Variants in ENAH observed in about 807,000 individuals in gnomAD.
ENAH encodes the protein ENAH actin regulator.
ENAH carries 23 observed loss-of-function variants against 78.7 expected under a neutral mutation model. The observed-to-expected ratio is 0.29, with a 90% CI of 0.21 to 0.41. The LOEUF is 0.41. ENAH is among the 10% of genes least tolerant of loss of function. The pLI, the probability that ENAH is intolerant of heterozygous loss-of-function variation, is 1.00. For missense variants in ENAH, 544 were observed against 691.0 expected (o/e 0.79, Z 2.39); for synonymous variants, 226 against 241.0 (o/e 0.94, Z 0.58).
intron 2 of ENAH, among the ~76,000 whole-genome samples, chr1:225,561,267 C>A (rs1262750413): frequency 6.6e-6 from 1 of 151,336 alleles, no homozygotes; most frequent in Non-Finnish European, 1.5e-5. Context: ...TGAATTAATT[C>A]TTTCACTCAT....
chr1:225,494,726 A>G lies in ENAH; in HGVS notation c.*3049T>C, dbSNP rs2096241233. The G allele has an allele frequency of 6.6e-6, 1 of 152,248 alleles. No individual in the cohort carries two copies. Among genetic ancestry groups the G allele is most frequent in the South Asian group, 2.1e-4 (1 of 4,832 alleles). 9.4% of individuals were successfully genotyped at this position (152,248 alleles called of 1,614,324 possible). A position where few individuals can be genotyped will look rare whatever the true frequency, so the allele number is the denominator to read the frequency against. On this transcript the variant is annotated 3_prime_UTR_variant, in exon 14 of 14. Transcript: ENST00000366843. ...AAACTTTTAAGTAGTAAAGTCTTGG[A>G]CTTTAAAAGGTGTTTTTCACATCCA...
intron 1 of ENAH, among the ~76,000 whole-genome samples, chr1:225,615,543 A>G (rs1431957020): frequency 7.7e-6 from 1 of 130,504 alleles, no homozygotes; most frequent in East Asian, 2.4e-4. Flanking sequence ...CCGGCCGCCC[A>G]GTCTGGGAAG....
In ENAH at chr1:225,523,685, G is replaced by A. The variant is rs146909888; in HGVS notation, c.435-4120C>T. 1.4e-4 allele frequency among the ~76,000 whole-genome samples: 21 copies of A among 152,220 alleles called. No homozygotes were observed. The East Asian group carries it at 3.7e-3, about 27-fold the overall frequency. On this transcript the variant is annotated intron_variant, in intron 4 of 13. Transcript: ENST00000366843. ...TTCAAGCAGAAAATCTCTGGCTTCCGAATCTTGTGTGGCATGAATAATTCC... is the reference window on the plus strand; with the variant it reads ...TTCAAGCAGAAAATCTCTGGCTTCCAAATCTTGTGTGGCATGAATAATTCC...
intron 1 of ENAH, among the ~76,000 whole-genome samples, chr1:225,580,526 C>T (rs499782): frequency 0.83 from 126,971 of 152,092 alleles, 53,101 homozygotes; most frequent in Middle Eastern, 0.91. Context: ...GTAATAAATA[C>T]GTGACGTTTT....
At chr1:225,599,172 A>G (rs776210875) in intron 1 of ENAH, among the ~76,000 whole-genome samples, 4 of 152,188 alleles carry the variant, frequency 2.6e-5, no homozygotes, top group Non-Finnish European at 5.9e-5. Context: ...CATATCAAAG[A>G]GAACAGATCT....
chr1:225,519,509 T>C lies in ENAH; in HGVS notation c.491A>G (p.Glu164Gly), dbSNP rs1352857627. ...KELERERLER[E>G]RMERERLERE... ...CTCCAACCTTTCTCTTTCCATTCTT[T>C]CTCGCTCCAGCCTTTCCCGCTCCAG... The change falls in exon 5 of 14, where the codon GAA (glutamate) becomes GGA (glycine). Residue 164 changes from glutamate to glycine, a missense_variant. By Grantham distance (98) the Glu-to-Gly change is moderately conservative (BLOSUM62 -2). Around this residue, in one of 4 missense-constraint regions of ENAH, gnomAD observed 366 missense variants for 396.1 expected, o/e 0.92. Coordinates refer to ENST00000366843, the MANE Select transcript of ENAH (RefSeq NM_018212.6). The C allele has an allele frequency of 6.2e-7, 1 of 1,612,538 alleles. No individual in the cohort carries two copies. Among genetic ancestry groups the C allele is most frequent in the African/African-American group, 1.3e-5 (1 of 74,958 alleles).
intron 2 of ENAH, among the ~76,000 whole-genome samples, chr1:225,557,207 A>T (rs763313370): frequency 6.6e-6 from 1 of 152,192 alleles, no homozygotes; most frequent in South Asian, 2.1e-4. Flanking sequence ...TAACATATCA[A>T]TCTGAGGAGG....
rs141150172 is a variant in ENAH, at chr1:225,501,023, G to A, written c.1586C>T (p.Thr529Met). The A allele has an allele frequency of 8.6e-4, 1,382 of 1,614,092 alleles. 4 individuals are homozygous for A. The highest frequency in any genetic ancestry group is 1.1e-3 in the Non-Finnish European group (1,259 of 1,179,994). Reference protein sequence around the residue: ...LSQPSANGVQTEGLDYDRLKQ... With the variant: ...LSQPSANGVQMEGLDYDRLKQ... Reference sequence around the variant, plus strand: ...CAGCCTGTCATAGTCAAGTCCTTCCGTCTGGACTCCATTGGCACTGGGCTG... The same window carrying A: ...CAGCCTGTCATAGTCAAGTCCTTCCATCTGGACTCCATTGGCACTGGGCTG... Residue 529 changes from threonine to methionine, a missense_variant, in exon 12 of 14, where the codon ACG (threonine) becomes ATG (methionine). Around this residue, in one of 4 missense-constraint regions of ENAH, gnomAD observed 97 missense variants for 124.4 expected, o/e 0.78. Transcript: ENST00000366843.
intron 3 of ENAH, among the ~76,000 whole-genome samples, chr1:225,538,168 C>T (rs1478550536): frequency 2.0e-5 from 3 of 152,082 alleles, no homozygotes; most frequent in Non-Finnish European, 2.9e-5. Context: ...GTTCACACTT[C>T]GGACCATCAG....
At position 225,489,297 on chromosome 1, in the gene ENAH, G is replaced by C. The variant is rs1194209318; in HGVS notation, c.*8478C>G. On this transcript the variant is annotated 3_prime_UTR_variant, in exon 14 of 14. Coordinates refer to ENST00000366843, the MANE Select transcript of ENAH (RefSeq NM_018212.6). ...TGCTTCCAGGTTGAAGCACAATGGA[G>C]AATGTACTGAAGCCACCACAGAGAT... The C allele has an allele frequency of 6.6e-6, 1 of 152,190 alleles. No individual in the cohort carries two copies. The highest frequency in any genetic ancestry group is 1.5e-5 in the Non-Finnish European group (1 of 68,054). The allele number at this position is 152,190 out of a possible 1,614,324, so 9.4% of individuals were successfully genotyped here.
intron 3 of ENAH, among the ~76,000 whole-genome samples, chr1:225,549,166 T>C (rs1277686680): frequency 1.3e-5 from 2 of 152,136 alleles, no homozygotes; most frequent in African/African-American, 2.4e-5. Flanking sequence ...ATAGGTTTTA[T>C]AGGGTTCAAA....
intron 1 of ENAH, among the ~76,000 whole-genome samples, chr1:225,617,046 C>A (rs1266333138): frequency 6.6e-6 from 1 of 151,794 alleles, no homozygotes; most frequent in African/African-American, 2.4e-5. Context: ...TTGCAGTGAG[C>A]CAAGATCATG....
chr1:225,548,982 TG>T (rs2096628952), intron 3 of ENAH, among the ~76,000 whole-genome samples: 3 of 151,980 alleles, frequency 2.0e-5, no homozygotes, highest in African/African-American at 7.3e-5. Flanking sequence ...CCCGAGTAAT[TG>T]GGACTACAGG....
At chr1:225,578,243 T>C (rs2096797511) in intron 1 of ENAH, among the ~76,000 whole-genome samples, 1 of 152,164 alleles carries the variant, frequency 6.6e-6, no homozygotes, top group Admixed American at 6.5e-5. Context: ...GGCAGGAAGA[T>C]CACTTGAGCC....
At chr1:225,647,540 C>A (rs963244409) in intron 1 of ENAH, among the ~76,000 whole-genome samples, 2 of 152,038 alleles carry the variant, frequency 1.3e-5, no homozygotes, top group Non-Finnish European at 2.9e-5. Flanking sequence ...ATAGCAAGAC[C>A]ACATCTCTAC....
At chr1:225,604,555 G>C (rs891505187) in intron 1 of ENAH, among the ~76,000 whole-genome samples, 1 of 151,428 alleles carries the variant, frequency 6.6e-6, no homozygotes, top group African/African-American at 2.4e-5. Context: ...AGGCCGAGGC[G>C]GGCAGATCAC....
chr1:225,526,439 A>C (rs539152789), intron 4 of ENAH, among the ~76,000 whole-genome samples: 2 of 151,902 alleles, frequency 1.3e-5, no homozygotes, highest in Non-Finnish European at 2.9e-5. Context: ...CCCGGGTTCA[A>C]GCGATTCTTC....
intron 1 of ENAH, among the ~76,000 whole-genome samples, chr1:225,636,256 T>G (rs1660039941): frequency 6.6e-6 from 1 of 152,196 alleles, no homozygotes; most frequent in African/African-American, 2.4e-5. Flanking sequence ...TAGTTTCTAA[T>G]TTTAGTTAAC....
At chr1:225,563,000 T>C (rs2096716204) in intron 2 of ENAH, among the ~76,000 whole-genome samples, 1 of 151,354 alleles carries the variant, frequency 6.6e-6, no homozygotes, top group African/African-American at 2.4e-5. Context: ...AATGCAAGAA[T>C]GAAAGACAGA....
Sources: allele counts gnomAD v4.1 joint callset (sites outside exome capture counted in the v4.1 genomes callset), GRCh38; gene constraint gnomAD v4.1.1; regional missense constraint gnomAD v4.1.1; transcripts MANE v1.5; gene names NCBI Gene and HGNC (gene_info 2026-07-23, HGNC 2026-07-21).